NRXN3: variants seen among roughly 807,000 people sequenced by gnomAD.
NRXN3 encodes the protein neurexin 3.
NRXN3 carries 32 observed loss-of-function variants against 137.6 expected under a neutral mutation model. That is an observed-to-expected ratio of 0.23 (90% CI 0.18 to 0.31). NRXN3 has a LOEUF of 0.31. NRXN3 is among the 10% of genes least tolerant of loss of function. NRXN3 has a pLI of 1.00. For synonymous variants in NRXN3, 798 were observed against 784.5 expected, an observed-to-expected ratio of 1.02 and a Z score of -0.29; for missense variants, 1,574 against 2,062.5, an observed-to-expected ratio of 0.76 and a Z score of 4.59.
chr14:78,351,798 T>G (rs981588327), intron 4 of NRXN3, among the ~76,000 whole-genome samples: 2 of 147,260 alleles, frequency 1.4e-5, no homozygotes, highest in Non-Finnish European at 3.0e-5. Context: ...TTTTTTTTTT[T>G]GCCAAAAAGA....
intron 16 of NRXN3, among the ~76,000 whole-genome samples, chr14:79,655,265 T>C (rs573783179): frequency 2.3e-4 from 35 of 152,296 alleles, no homozygotes; most frequent in Admixed American, 2.0e-3. Flanking sequence ...GAAAATGGCA[T>C]AGGACATGTG....
At chr14:79,470,792 A>T (rs1293628268) in intron 16 of NRXN3, among the ~76,000 whole-genome samples, 1 of 151,990 alleles carries the variant, frequency 6.6e-6, no homozygotes, top group Non-Finnish European at 1.5e-5. Context: ...GCTACTTGTG[A>T]GTGGTGGTCA....
intron 3 of NRXN3, among the ~76,000 whole-genome samples, chr14:78,295,308 C>T (rs962043622): frequency 1.1e-4 from 16 of 152,122 alleles, no homozygotes; most frequent in African/African-American, 3.1e-4. Flanking sequence ...GCATCAGGAT[C>T]GTGTATCTCG....
intron 6 of NRXN3, among the ~76,000 whole-genome samples, chr14:78,689,508 T>C (rs1243004805): frequency 1.3e-5 from 2 of 152,124 alleles, no homozygotes; most frequent in Admixed American, 1.3e-4. Context: ...CTAGGAAAGA[T>C]ACAAGAGTTC....
At chr14:78,352,530 C>A (rs994276549) in intron 4 of NRXN3, among the ~76,000 whole-genome samples, 26 of 152,274 alleles carry the variant, frequency 1.7e-4, no homozygotes, top group Middle Eastern at 3.4e-3. Context: ...GTTGAAGAAA[C>A]CTGGTCTCCT....
At chr14:79,504,639 T>TATA (rs60009832) in intron 16 of NRXN3, among the ~76,000 whole-genome samples, 1,485 of 93,286 alleles carry the variant, frequency 0.016, 137 homozygotes, top group African/African-American at 0.044. Context: ...AAATGAAGTT[T>TATA]TTTATATATA....
chr14:79,713,993 A>G (rs1448714105), intron 19 of NRXN3, among the ~76,000 whole-genome samples: 1 of 152,120 alleles, frequency 6.6e-6, no homozygotes, highest in Non-Finnish European at 1.5e-5. Context: ...GTTTGGTGAT[A>G]AAGTCTTTTC....
chr14:79,230,824 G>A (rs1230224663), intron 15 of NRXN3, among the ~76,000 whole-genome samples: 1 of 152,060 alleles, frequency 6.6e-6, no homozygotes, highest in Non-Finnish European at 1.5e-5. Context: ...ATGCTTGCTA[G>A]TAATGTGACC....
At chr14:78,234,318 A>G (rs1019696911) in intron 1 of NRXN3, among the ~76,000 whole-genome samples, 1 of 152,252 alleles carries the variant, frequency 6.6e-6, no homozygotes, top group African/African-American at 2.4e-5. Flanking sequence ...ACAACAGTGG[A>G]CAGCAACAGT....
intron 4 of NRXN3, among the ~76,000 whole-genome samples, chr14:78,410,470 T>C (rs80111786): frequency 0.029 from 4,372 of 152,326 alleles, 194 homozygotes; most frequent in African/African-American, 0.093. Flanking sequence ...CTAAATGGAC[T>C]ATAAGACATA....
At chr14:79,263,632 G>T (rs1048151595) in intron 15 of NRXN3, among the ~76,000 whole-genome samples, 4 of 151,986 alleles carry the variant, frequency 2.6e-5, no homozygotes, top group Admixed American at 1.3e-4. Flanking sequence ...CTTAATGAAA[G>T]GTAATAAATA....
chr14:78,973,803 A>G (rs1165146533), intron 14 of NRXN3, among the ~76,000 whole-genome samples: 1 of 152,166 alleles, frequency 6.6e-6, no homozygotes, highest in Non-Finnish European at 1.5e-5. Flanking sequence ...ACTGAGCCTC[A>G]TGACCTCTGC....
intron 4 of NRXN3, among the ~76,000 whole-genome samples, chr14:78,428,906 A>C (rs2093766194): frequency 6.6e-6 from 1 of 152,148 alleles, no homozygotes; most frequent in Admixed American, 6.5e-5. Context: ...CCTAACAGAA[A>C]CAACTAGAAT....
intron 14 of NRXN3, among the ~76,000 whole-genome samples, chr14:78,980,438 A>C (rs577700980): frequency 7.2e-5 from 11 of 152,344 alleles, no homozygotes; most frequent in African/African-American, 2.4e-4. Context: ...TAACAGAGGG[A>C]AAGTGCATTC....
intron 19 of NRXN3, among the ~76,000 whole-genome samples, chr14:79,800,208 A>G (rs753603895): frequency 6.6e-6 from 1 of 152,240 alleles, no homozygotes; most frequent in Non-Finnish European, 1.5e-5. Context: ...TGAAGATGAC[A>G]TTGAACGCAA....
intron 19 of NRXN3, among the ~76,000 whole-genome samples, chr14:79,746,691 G>A (rs2098980721): frequency 6.6e-6 from 1 of 152,122 alleles, no homozygotes. Flanking sequence ...GGGAACAAAA[G>A]ACAGCTGGTA....
At chr14:79,172,192 G>GAA (rs5809925) in intron 15 of NRXN3, among the ~76,000 whole-genome samples, 221 of 147,768 alleles carry the variant, frequency 1.5e-3, no homozygotes, top group East Asian at 9.3e-3. Context: ...ACTTGCTAGG[G>GAA]AAAAAAAAAA....
intron 19 of NRXN3, among the ~76,000 whole-genome samples, chr14:79,719,250 T>C (rs948347981): frequency 4.4e-5 from 2 of 45,840 alleles, no homozygotes; most frequent in African/African-American, 6.4e-5. Flanking sequence ...CATAGACATA[T>C]ATGTGTGTGT....
chr14:79,861,129 C>T lies in NRXN3; in HGVS notation c.4094-213C>T. ...GCACCTTCCATTACACTCCCCCCTA[C>T]CTTTCGCCCCCTCCTCACCATTATT... On this transcript the variant is annotated intron_variant, in intron 20 of 20. Coordinates refer to ENST00000335750, the MANE Select transcript of NRXN3 (RefSeq NM_001330195.2). This position sits in a 1 kb window ranked among gnomAD's most constrained non-coding sequence, Gnocchi z 5.4. 1 of 1,453,000 alleles carries T rather than the reference C, an allele frequency of 6.9e-7. No homozygotes were observed. Among genetic ancestry groups the T allele is most frequent in the Non-Finnish European group, 9.1e-7 (1 of 1,101,966 alleles). 90.0% of individuals were successfully genotyped at this position (1,453,000 alleles called of 1,614,324 possible).
Sources: gnomAD v4.1 joint callset for allele counts (sites outside exome capture counted in the v4.1 genomes callset) on GRCh38, gnomAD v4.1.1 for gene constraint, Gnocchi (gnomAD v3.1) non-coding constraint, MANE v1.5 for transcripts, NCBI Gene and HGNC (gene_info 2026-07-23, HGNC 2026-07-21) for gene names.